The following CTNNA2 variants were observed in gnomAD, a reference collection of about 807,000 sequenced individuals.
CTNNA2 encodes the protein catenin alpha 2.
In CTNNA2, 42 loss-of-function variants were observed where a neutral mutation model predicts 101.0. The observed-to-expected ratio is 0.42, with a 90% CI of 0.32 to 0.54. The LOEUF (loss-of-function observed/expected upper bound fraction) is 0.54. CTNNA2 is among the 20% of genes least tolerant of loss of function. The pLI is 0.14. For synonymous variants in CTNNA2, 450 were observed against 456.4 expected, an observed-to-expected ratio of 0.99 and a Z score of 0.18; for missense variants, 871 against 1,223.1, an observed-to-expected ratio of 0.71 and a Z score of 4.29.
rs1361361242 is a variant in CTNNA2 at position 80,539,924 on chromosome 2, T to G, written c.1291-5058T>G. The stretch of plus-strand genomic sequence containing the variant: ...GGCGATTAAATCTTGTGGCTTCAGT[T>G]AAGTTGTAAATAATTCAAGAGTGGA... On this transcript the variant is annotated intron_variant, in intron 9 of 18. Coordinates refer to ENST00000402739, the MANE Select transcript of CTNNA2 (RefSeq NM_001282597.3). Among the ~76,000 whole-genome samples the G allele has an allele frequency of 4.6e-5, 7 of 152,206 alleles. 1 individual carries two copies. Among genetic ancestry groups the G allele is most frequent in the Admixed American group, 3.3e-4 (5 of 15,288 alleles).
intron 1 of CTNNA2, among the ~76,000 whole-genome samples, chr2:79,574,432 A>C (rs914565474): frequency 6.6e-6 from 1 of 151,948 alleles, no homozygotes; most frequent in African/African-American, 2.4e-5. Context: ...TGTGTATTCA[A>C]TGTTTAACTA....
chr2:80,139,120 A>T (rs1386463362), intron 7 of CTNNA2, among the ~76,000 whole-genome samples: 1 of 152,180 alleles, frequency 6.6e-6, no homozygotes, highest in Non-Finnish European at 1.5e-5. Context: ...CCAACCACTC[A>T]TCAGTTGGAA....
At chr2:80,315,415 G>GCAGCA (rs1678018611) in intron 7 of CTNNA2, among the ~76,000 whole-genome samples, 1 of 152,170 alleles carries the variant, frequency 6.6e-6, no homozygotes, top group Non-Finnish European at 1.5e-5. Flanking sequence ...ATGATCAACT[G>GCAGCA]GAAAATTAGC....
chr2:79,937,917 A>G (rs1687897134), intron 7 of CTNNA2, among the ~76,000 whole-genome samples: 1 of 152,210 alleles, frequency 6.6e-6, no homozygotes, highest in African/African-American at 2.4e-5. Context: ...GACATTCCAC[A>G]TGCCTTTCGA....
intron 9 of CTNNA2, among the ~76,000 whole-genome samples, chr2:80,450,633 C>A (rs1683421459): frequency 6.6e-6 from 1 of 152,086 alleles, no homozygotes; most frequent in Admixed American, 6.6e-5. Context: ...TTTAAAAAAG[C>A]AGAATATGAT....
At chr2:79,922,693 T>A (rs1225802786) in intron 7 of CTNNA2, among the ~76,000 whole-genome samples, 2 of 151,148 alleles carry the variant, frequency 1.3e-5, no homozygotes, top group African/African-American at 4.9e-5. Flanking sequence ...TCACCACCCA[T>A]TTTCCTAAAA....
chr2:80,448,205 A>G lies in CTNNA2; in HGVS notation c.1290+28604A>G, dbSNP rs550246479. ...GTCCTCAGATCCTTTGTGAAATCCC[A>G]GATTGTCTTCACTTACTAAAGAAAG... is the stretch of plus-strand genomic sequence containing the variant. On this transcript the variant is annotated intron_variant, in intron 9 of 18. Coordinates refer to ENST00000402739, the MANE Select transcript of CTNNA2 (RefSeq NM_001282597.3). Among the ~76,000 whole-genome samples, 4 of 152,320 alleles carry G rather than the reference A, an allele frequency of 2.6e-5. No homozygotes were observed. In the South Asian group the frequency reaches 6.2e-4, roughly 24 times the overall value.
chr2:80,133,877 A>G (rs759868283), intron 7 of CTNNA2, among the ~76,000 whole-genome samples: 2 of 152,170 alleles, frequency 1.3e-5, no homozygotes, highest in African/African-American at 4.8e-5. Flanking sequence ...AAGACAGACT[A>G]TATGTACTGA....
At chr2:79,943,861 ATAAT>A (rs1688317423) in intron 7 of CTNNA2, among the ~76,000 whole-genome samples, 1 of 152,256 alleles carries the variant, frequency 6.6e-6, no homozygotes, top group Non-Finnish European at 1.5e-5. Context: ...TAATTCTGCC[ATAAT>A]TAATCTATAA....
At chr2:80,156,061 A>G (rs1227562807) in intron 7 of CTNNA2, among the ~76,000 whole-genome samples, 1 of 152,178 alleles carries the variant, frequency 6.6e-6, no homozygotes, top group Non-Finnish European at 1.5e-5. Flanking sequence ...CTACATTTCT[A>G]ACAAGCTCCA....
intron 4 of CTNNA2, among the ~76,000 whole-genome samples, chr2:79,858,535 T>C (rs60500048): frequency 0.027 from 4,086 of 152,248 alleles, 213 homozygotes; most frequent in African/African-American, 0.092. Context: ...GTCCATGTGA[T>C]AGTTCAGGTT....
intron 2 of CTNNA2, among the ~76,000 whole-genome samples, chr2:79,274,212 G>C (rs1462247568): frequency 6.6e-6 from 1 of 151,966 alleles, no homozygotes; most frequent in East Asian, 1.9e-4. Context: ...TCTCTTGAAA[G>C]AACTCAACCT....
At chr2:79,562,535 A>C (rs1413901365) in intron 1 of CTNNA2, among the ~76,000 whole-genome samples, 1 of 152,032 alleles carries the variant, frequency 6.6e-6, no homozygotes, top group Non-Finnish European at 1.5e-5. Flanking sequence ...AGCTGCCTAC[A>C]ATCTGTTTGA....
intron 3 of CTNNA2, among the ~76,000 whole-genome samples, chr2:79,793,607 G>A (rs1268611440): frequency 6.6e-6 from 1 of 152,086 alleles, no homozygotes; most frequent in African/African-American, 2.4e-5. Flanking sequence ...TCTGTGATAA[G>A]AGAGTCTCGA....
At chr2:79,766,572 T>C (rs1443786633) in intron 3 of CTNNA2, among the ~76,000 whole-genome samples, 2 of 152,202 alleles carry the variant, frequency 1.3e-5, no homozygotes, top group African/African-American at 4.8e-5. Flanking sequence ...TATCTTTCTC[T>C]AGGTTTGAGA....
intron 1 of CTNNA2, among the ~76,000 whole-genome samples, chr2:79,525,075 A>G (rs577958313): frequency 1.2e-4 from 19 of 152,070 alleles, no homozygotes; most frequent in Admixed American, 1.2e-3. Context: ...TTGTTTGGAT[A>G]TCTAATTTTT....
At chr2:80,215,562 G>A (rs1708211124) in intron 7 of CTNNA2, among the ~76,000 whole-genome samples, 1 of 152,188 alleles carries the variant, frequency 6.6e-6, no homozygotes, top group Non-Finnish European at 1.5e-5. Flanking sequence ...CACCAGCTGA[G>A]GCTGCAGAAC....
intron 7 of CTNNA2, among the ~76,000 whole-genome samples, chr2:80,269,837 T>C (rs866401703): frequency 6.6e-6 from 1 of 152,182 alleles, no homozygotes; most frequent in Non-Finnish European, 1.5e-5. Flanking sequence ...ACTAAATAAC[T>C]GTGTTATTTA....
chr2:79,392,254 A>T (rs1230975176), intron 4 of CTNNA2, among the ~76,000 whole-genome samples: 1 of 152,208 alleles, frequency 6.6e-6, no homozygotes, highest in Non-Finnish European at 1.5e-5. Flanking sequence ...TAAAATGTCC[A>T]TTAACATCAC....
Sources: allele counts gnomAD v4.1 joint callset (sites outside exome capture counted in the v4.1 genomes callset), GRCh38; gene constraint gnomAD v4.1.1; transcripts MANE v1.5; gene names NCBI Gene and HGNC (gene_info 2026-07-23, HGNC 2026-07-21).